The following GABRG2 variants were observed in gnomAD, a reference collection of about 807,000 sequenced individuals.
The protein encoded by GABRG2 is gamma-aminobutyric acid type A receptor subunit gamma2, also known as gamma-aminobutyric acid receptor subunit gamma-2.
In GABRG2, 16 loss-of-function variants were observed where a neutral mutation model predicts 56.4. The observed-to-expected ratio is 0.28, with a 90% CI of 0.19 to 0.43. GABRG2 has a LOEUF of 0.43. Among genes scored for constraint, GABRG2 ranks in the 20% least tolerant of loss-of-function variants. The pLI is 1.00. For missense variants in GABRG2, 327 were observed against 582.7 expected (o/e 0.56, Z 4.52); for synonymous variants, 208 against 205.5 (o/e 1.01, Z -0.10).
At chr5:162,110,207 T>C (rs182219865) in intron 6 of GABRG2, among the ~76,000 whole-genome samples, 2 of 152,226 alleles carry the variant, frequency 1.3e-5, no homozygotes, top group Non-Finnish European at 2.9e-5. Flanking sequence ...GACATGCAGA[T>C]CACAATTTCA....
At chr5:162,135,215 T>G (rs572149841) in intron 6 of GABRG2, among the ~76,000 whole-genome samples, 70 of 152,234 alleles carry the variant, frequency 4.6e-4, no homozygotes, top group African/African-American at 1.5e-3. Context: ...CTGATTTCCC[T>G]TCTCTCTTTT....
At chr5:162,121,528 A>G (rs1241124922) in intron 6 of GABRG2, among the ~76,000 whole-genome samples, 1 of 152,070 alleles carries the variant, frequency 6.6e-6, no homozygotes, top group African/African-American at 2.4e-5. Flanking sequence ...ATTTTGAAAC[A>G]TTGTATAAAT....
intron 6 of GABRG2, among the ~76,000 whole-genome samples, chr5:162,125,454 T>C (rs1360323639): frequency 7.0e-6 from 1 of 143,534 alleles, no homozygotes; most frequent in African/African-American, 3.0e-5. Flanking sequence ...TATATAATCA[T>C]TGAGGTCTCA....
chr5:162,113,793 G>T (rs773261394), intron 6 of GABRG2, among the ~76,000 whole-genome samples: 3 of 152,184 alleles, frequency 2.0e-5, no homozygotes, highest in African/African-American at 7.2e-5. Context: ...TTGTTAAAGA[G>T]GTAATGCAAT....
intron 1 of GABRG2, among the ~76,000 whole-genome samples, chr5:162,087,194 G>A (rs1306203169): frequency 1.3e-5 from 2 of 151,788 alleles, no homozygotes; most frequent in Non-Finnish European, 2.9e-5. Context: ...ATTTTTTTCT[G>A]TTCTGTTCCC....
intron 7 of GABRG2, among the ~76,000 whole-genome samples, chr5:162,146,895 A>G (rs1034992670): frequency 6.6e-6 from 1 of 152,234 alleles, no homozygotes; most frequent in Non-Finnish European, 1.5e-5. Flanking sequence ...AAACTTTCAT[A>G]CTAAGCTACA....
chr5:162,093,400 C>T (rs1055355345), intron 1 of GABRG2, among the ~76,000 whole-genome samples: 1 of 152,072 alleles, frequency 6.6e-6, no homozygotes, highest in African/African-American at 2.4e-5. Flanking sequence ...TTATCAGTCT[C>T]TTACTTTCAT....
rs765857916 is a variant in GABRG2 at position 162,097,876 on chromosome 5, GA to G, written c.548+21del. 1.9e-6 allele frequency: 3 copies of G among 1,584,932 alleles called. No individual in the cohort carries two copies. In the South Asian group the frequency reaches 3.3e-5, roughly 18 times the overall value. On this transcript the variant is annotated intron_variant, in intron 4 of 9. Transcript: ENST00000639213. ...ACCCTAAGGTATTCTTTTGCAAAAG[GA>G]AAGGAGTAATTGTTAGGAAGAAAAC... is the stretch of plus-strand genomic sequence containing the variant.
rs531222039 is a variant in GABRG2, at chr5:162,128,041, A to G, written c.770-14123A>G. Among the ~76,000 whole-genome samples the G allele has an allele frequency of 4.6e-5, 7 of 152,148 alleles. 1 individual carries two copies. In the East Asian group the frequency reaches 1.2e-3, roughly 25 times the overall value. ...AGAGTATCAAGAGACCATTTCCCAG[A>G]GAAATGGAAAGCATGTGATATATAA... On this transcript the variant is annotated intron_variant, in intron 6 of 9. Transcript: ENST00000639213.
At chr5:162,148,997 A>G in intron 7 of GABRG2, 111 bp from the exon 8 acceptor site, 1 of 907,166 alleles carries the variant, frequency 1.1e-6, no homozygotes, top group African/African-American at 1.6e-5. Flanking sequence ...CTCCTTTCCC[A>G]TTGCTGAAAC....
intron 6 of GABRG2, among the ~76,000 whole-genome samples, chr5:162,126,087 G>C (rs1303844639): frequency 6.6e-6 from 1 of 151,892 alleles, no homozygotes; most frequent in African/African-American, 2.4e-5. Context: ...GAGATTTGTG[G>C]GTCATATTTT....
rs1490179065 is a variant in GABRG2 at position 162,095,485 on chromosome 5, C to T, written c.260-10C>T. 6.3e-7 allele frequency: 1 copy of T among 1,577,566 alleles called. No homozygotes were observed. The highest frequency in any genetic ancestry group is 2.3e-5 in the East Asian group (1 of 44,436). The stretch of plus-strand genomic sequence containing the variant: ...TCTATGTGCACACATTTCTATGTTT[C>T]TCTTTACAGTGAAGCCAACGTTAAT... On this transcript the variant is annotated splice_polypyrimidine_tract_variant and intron_variant, in intron 2 of 9. Transcript: ENST00000639213.
intron 6 of GABRG2, among the ~76,000 whole-genome samples, chr5:162,138,050 G>A (rs563331432): frequency 6.6e-6 from 1 of 151,704 alleles, no homozygotes; most frequent in Non-Finnish European, 1.5e-5. Flanking sequence ...GCGAGCCACC[G>A]TGCCCTCACT....
intron 6 of GABRG2, among the ~76,000 whole-genome samples, chr5:162,116,108 GCA>G (rs1338522434): frequency 7.7e-6 from 1 of 130,152 alleles, no homozygotes. Flanking sequence ...GGGTGTGCGT[GCA>G]TGTGTGTGTG....
intron 2 of GABRG2, among the ~76,000 whole-genome samples, chr5:162,095,060 C>T (rs772041454): frequency 3.9e-5 from 6 of 152,078 alleles, no homozygotes; most frequent in Non-Finnish European, 7.4e-5. Flanking sequence ...CTGTTTATGT[C>T]CACTTCATGT....
intron 2 of GABRG2, chr5:162,094,268 C>A: frequency 2.4e-6 from 1 of 409,190 alleles, no homozygotes; most frequent in African/African-American, 2.0e-5. Flanking sequence ...AACAATGACC[C>A]CTTTATGAAG....
chr5:162,116,886 A>G (rs1162056171), intron 6 of GABRG2, among the ~76,000 whole-genome samples: 2 of 152,172 alleles, frequency 1.3e-5, no homozygotes, highest in African/African-American at 4.8e-5. Flanking sequence ...AATGGGGAAT[A>G]GAGTCCCAGG....
At chr5:162,100,378 G>A (rs1213469388) in intron 4 of GABRG2, 2 of 152,164 alleles carry the variant, frequency 1.3e-5, no homozygotes, top group East Asian at 1.9e-4. Context: ...TCTGTACAAT[G>A]TAAGAGATAT....
chr5:162,076,369 T>C (rs1410197633), intron 1 of GABRG2, among the ~76,000 whole-genome samples: 1 of 152,278 alleles, frequency 6.6e-6, no homozygotes, highest in South Asian at 2.1e-4. Context: ...TGTGGGAGTG[T>C]AGAAGAGGGA....
Sources: gnomAD v4.1 joint callset for allele counts (sites outside exome capture counted in the v4.1 genomes callset) on GRCh38, gnomAD v4.1.1 for gene constraint, MANE v1.5 for transcripts, NCBI Gene and HGNC (gene_info 2026-07-23, HGNC 2026-07-21) for gene names.